Variants in ATRNL1 observed in about 807,000 individuals in gnomAD.
ATRNL1 encodes the protein attractin like 1.
ATRNL1 carries 95 observed loss-of-function variants against 182.7 expected under a neutral mutation model. The ratio of observed to expected loss-of-function variants is 0.52; its 90% CI spans 0.44 to 0.62. The LOEUF (loss-of-function observed/expected upper bound fraction) is 0.62, where lower values mean the gene tolerates loss of function less well. Among genes scored for constraint, ATRNL1 ranks in the 20% least tolerant of loss-of-function variants. The pLI is 0.00. For synonymous variants in ATRNL1, 576 were observed against 568.3 expected, an observed-to-expected ratio of 1.01 and a Z score of -0.19; for missense variants, 1,471 against 1,679.5, an observed-to-expected ratio of 0.88 and a Z score of 2.17.
intron 15 of ATRNL1, among the ~76,000 whole-genome samples, chr10:115,296,105 T>G (rs1853171793): frequency 6.6e-6 from 1 of 152,146 alleles, no homozygotes; most frequent in South Asian, 2.1e-4. Flanking sequence ...GATTCTTCTG[T>G]AGTAAGGATT....
At chr10:115,687,538 T>C (rs1946257108) in intron 26 of ATRNL1, among the ~76,000 whole-genome samples, 2 of 152,198 alleles carry the variant, frequency 1.3e-5, no homozygotes, top group South Asian at 4.2e-4. Context: ...AGGTTGGACA[T>C]GGACATGGTT....
intron 19 of ATRNL1, among the ~76,000 whole-genome samples, chr10:115,351,937 A>G (rs782560863): frequency 3.9e-5 from 6 of 152,114 alleles, no homozygotes; most frequent in East Asian, 1.9e-4. Flanking sequence ...CAGTGAAACT[A>G]TCTGATATTG....
intron 27 of ATRNL1, among the ~76,000 whole-genome samples, chr10:115,740,591 C>T (rs1948108512): frequency 6.6e-6 from 1 of 152,108 alleles, no homozygotes; most frequent in African/African-American, 2.4e-5. Flanking sequence ...CTGCAACCTC[C>T]ACCTCCCGGG....
intron 27 of ATRNL1, among the ~76,000 whole-genome samples, chr10:115,812,404 T>G (rs972117285): frequency 6.6e-6 from 1 of 152,172 alleles, no homozygotes; most frequent in African/African-American, 2.4e-5. Context: ...ACTCTACATG[T>G]AGCCTTCATA....
intron 14 of ATRNL1, among the ~76,000 whole-genome samples, chr10:115,283,174 G>A (rs995681687): frequency 7.2e-5 from 11 of 152,254 alleles, no homozygotes; most frequent in South Asian, 2.1e-4. Flanking sequence ...AGCACTTTGG[G>A]AGGCTGAGGT....
intron 8 of ATRNL1, among the ~76,000 whole-genome samples, chr10:115,191,992 A>G (rs1047406435): frequency 6.6e-6 from 1 of 152,046 alleles, no homozygotes. Context: ...TATTCTGGTT[A>G]TTAATCCCTT....
At chr10:115,794,855 C>T (rs372963767) in intron 27 of ATRNL1, among the ~76,000 whole-genome samples, 1 of 152,094 alleles carries the variant, frequency 6.6e-6, no homozygotes, top group Non-Finnish European at 1.5e-5. Context: ...CCTCCCATTC[C>T]TTATCAAACT....
chr10:115,835,605 C>T (rs2960675), intron 27 of ATRNL1, among the ~76,000 whole-genome samples: 117,446 of 152,140 alleles, frequency 0.77, 45,434 homozygotes, highest in Admixed American at 0.83. Context: ...ATCTATACCA[C>T]AACATATAAA....
At chr10:115,884,811 A>G (rs1271870155) in intron 28 of ATRNL1, among the ~76,000 whole-genome samples, 1 of 152,222 alleles carries the variant, frequency 6.6e-6, no homozygotes, top group Admixed American at 6.5e-5. Context: ...GGACAGAATT[A>G]CAAGGGAACA....
intron 13 of ATRNL1, among the ~76,000 whole-genome samples, chr10:115,276,205 T>G (rs981519489): frequency 6.6e-6 from 1 of 152,074 alleles, no homozygotes; most frequent in African/African-American, 2.4e-5. Context: ...ATGGTGTTAA[T>G]CCCATATATG....
At chr10:115,865,711 C>A (rs1183439586) in intron 28 of ATRNL1, among the ~76,000 whole-genome samples, 1 of 152,082 alleles carries the variant, frequency 6.6e-6, no homozygotes, top group Non-Finnish European at 1.5e-5. Flanking sequence ...AAGCAAGTTG[C>A]AGACCTGATT....
chr10:115,101,650 G>A (rs1843773308), intron 1 of ATRNL1, among the ~76,000 whole-genome samples: 1 of 152,078 alleles, frequency 6.6e-6, no homozygotes, highest in Non-Finnish European at 1.5e-5. Context: ...AGAGATATTA[G>A]TCTGCACTTT....
intron 10 of ATRNL1, among the ~76,000 whole-genome samples, chr10:115,259,837 C>T (rs1211388916): frequency 5.3e-5 from 8 of 152,104 alleles, no homozygotes; most frequent in African/African-American, 1.9e-4. Flanking sequence ...ATGCCTCCAA[C>T]CAGAAACACA....
chr10:115,697,453 A>G (rs1373017067), intron 26 of ATRNL1, among the ~76,000 whole-genome samples: 1 of 151,988 alleles, frequency 6.6e-6, no homozygotes, highest in Non-Finnish European at 1.5e-5. Flanking sequence ...AGCCTCCCGA[A>G]TAGCTGGCAA....
intron 8 of ATRNL1, among the ~76,000 whole-genome samples, chr10:115,202,401 A>C (rs1422219317): frequency 2.7e-5 from 4 of 147,026 alleles, no homozygotes; most frequent in African/African-American, 1.0e-4. Context: ...TTTGAGATAC[A>C]TCCCATCAAT....
intron 27 of ATRNL1, among the ~76,000 whole-genome samples, chr10:115,755,848 CT>C (rs1265401109): frequency 6.6e-6 from 1 of 152,004 alleles, no homozygotes; most frequent in Non-Finnish European, 1.5e-5. Context: ...AGTTTTAGAA[CT>C]TGTTATTGGT....
chr10:115,917,028 C>A (rs183127921), intron 28 of ATRNL1, among the ~76,000 whole-genome samples: 1 of 152,314 alleles, frequency 6.6e-6, no homozygotes, highest in Admixed American at 6.5e-5. Flanking sequence ...CTATATACAG[C>A]CTTACAGGTC....
chr10:115,610,366 T>C (rs1364085298), intron 26 of ATRNL1, among the ~76,000 whole-genome samples: 1 of 152,216 alleles, frequency 6.6e-6, no homozygotes, highest in African/African-American at 2.4e-5. Flanking sequence ...TAGTTTTGCA[T>C]TGTAGACTGT....
chr10:115,842,743 G>A (rs768249622), intron 27 of ATRNL1, among the ~76,000 whole-genome samples: 1 of 152,002 alleles, frequency 6.6e-6, no homozygotes, highest in Non-Finnish European at 1.5e-5. Flanking sequence ...TAGTAATATT[G>A]TATAGTGGCT....
Sources: gnomAD v4.1 joint callset for allele counts (sites outside exome capture counted in the v4.1 genomes callset) on GRCh38, gnomAD v4.1.1 for gene constraint, MANE v1.5 for transcripts, NCBI Gene and HGNC (gene_info 2026-07-23, HGNC 2026-07-21) for gene names.